CDK6: variants seen among roughly 807,000 people sequenced by gnomAD.
CDK6 encodes cyclin dependent kinase 6, also known as cyclin-dependent kinase 6.
In CDK6, 6 loss-of-function variants were observed where a neutral mutation model predicts 37.1. That is an observed-to-expected ratio of 0.16 (90% CI 0.09 to 0.32). The LOEUF (loss-of-function observed/expected upper bound fraction) is 0.32. Ranked by LOEUF, CDK6 falls within the 10% of genes least tolerant of loss-of-function variation. CDK6 has a pLI of 1.00. For missense variants in CDK6, 224 were observed against 418.9 expected, an observed-to-expected ratio of 0.53 and a Z score of 4.06; for synonymous variants, 160 against 161.3, an observed-to-expected ratio of 0.99 and a Z score of 0.06.
At chr7:92,631,747 C>T (rs1193569943) in intron 5 of CDK6, among the ~76,000 whole-genome samples, 1 of 152,090 alleles carries the variant, frequency 6.6e-6, no homozygotes, top group Non-Finnish European at 1.5e-5. Context: ...GAGATTTCAT[C>T]CAGTCTGGTT....
chr7:92,820,150 G>T (rs1304888388), intron 2 of CDK6, among the ~76,000 whole-genome samples: 1 of 151,984 alleles, frequency 6.6e-6, no homozygotes, highest in Non-Finnish European at 1.5e-5. Context: ...AAGGCAATTA[G>T]AAACTCCAGG....
chr7:92,654,981 T>G (rs1224315762), intron 5 of CDK6, among the ~76,000 whole-genome samples: 1 of 150,542 alleles, frequency 6.6e-6, no homozygotes, highest in African/African-American at 2.4e-5. Context: ...AAGGTGGGAC[T>G]ACAGGCACGT....
chr7:92,799,462 T>C (rs1800510978), intron 2 of CDK6, among the ~76,000 whole-genome samples: 1 of 151,942 alleles, frequency 6.6e-6, no homozygotes, highest in Non-Finnish European at 1.5e-5. Context: ...TTTTTCTCCT[T>C]CAATCCTAAA....
chr7:92,806,610 A>T (rs948918978), intron 2 of CDK6, among the ~76,000 whole-genome samples: 4 of 152,238 alleles, frequency 2.6e-5, no homozygotes, highest in African/African-American at 9.6e-5. Flanking sequence ...AGTTCATGTT[A>T]TAACATGACA....
rs1795463457 is a variant in CDK6, at chr7:92,607,858, T to C, written c.*7282A>G. 4.3e-6 allele frequency: 1 copy of C among 233,322 alleles called. No individual in the cohort carries two copies. Among genetic ancestry groups the C allele is most frequent in the Admixed American group, 5.6e-5 (1 of 17,780 alleles). 14.5% of individuals were successfully genotyped at this position (233,322 alleles called of 1,614,324 possible). A position where few individuals can be genotyped will look rare whatever the true frequency, so the allele number is the denominator to read the frequency against. ...TGAGGAACTATGATATACATGTGTA[T>C]ATTTTTGCAAACACAGGATCAGAAT... is the stretch of plus-strand genomic sequence containing the variant. On this transcript the variant is annotated 3_prime_UTR_variant, in exon 8 of 8. Transcript: ENST00000424848.
chr7:92,714,555 G>T (rs1388389879), intron 4 of CDK6, among the ~76,000 whole-genome samples: 4 of 152,172 alleles, frequency 2.6e-5, no homozygotes, highest in African/African-American at 9.7e-5. Flanking sequence ...AGTGGTCCAT[G>T]TTGTATGGCT....
chr7:92,816,675 A>G (rs1801038073), intron 2 of CDK6, among the ~76,000 whole-genome samples: 1 of 152,108 alleles, frequency 6.6e-6, no homozygotes, highest in Non-Finnish European at 1.5e-5. Context: ...GCTAAAACTA[A>G]GAACAAATTA....
At chr7:92,671,324 T>C in intron 5 of CDK6, 102 bp downstream of exon 5, 1 of 689,864 alleles carries the variant, frequency 1.4e-6, no homozygotes, top group Non-Finnish European at 2.3e-6. Flanking sequence ...GATCTGGCCA[T>C]CATGACCCCT....
rs2116466654 is a variant in CDK6 at position 92,610,275 on chromosome 7, CTTCCTAAGGCT to C, written c.*4854_*4864del. 1.3e-5 allele frequency: 3 copies of C among 232,358 alleles called. No individual in the cohort carries two copies. The East Asian group carries it at 1.8e-4, about 14-fold the overall frequency. The allele number at this position is 232,358 out of a possible 1,614,324, so 14.4% of individuals were successfully genotyped here. A position where few individuals can be genotyped will look rare whatever the true frequency, so the allele number is the denominator to read the frequency against. ...TTTATTTTCAGGTGGCTCTTGTTTT[CTTCCTAAGGCT>C]AGACAAGGTAACAATATGTTGAAGG... On this transcript the variant is annotated 3_prime_UTR_variant, in exon 8 of 8. Coordinates refer to ENST00000424848, the MANE Select transcript of CDK6 (RefSeq NM_001145306.2).
chr7:92,649,588 A>G (rs541794288), intron 5 of CDK6, among the ~76,000 whole-genome samples: 1 of 152,366 alleles, frequency 6.6e-6, no homozygotes, highest in South Asian at 2.1e-4. Context: ...TTGATGTGCT[A>G]CAATGCCATT....
At chr7:92,702,963 A>G (rs1797887511) in intron 4 of CDK6, among the ~76,000 whole-genome samples, 1 of 152,336 alleles carries the variant, frequency 6.6e-6, no homozygotes, top group South Asian at 2.1e-4. Context: ...GTCAGTAGCA[A>G]CATCCCTCTC....
intron 2 of CDK6, among the ~76,000 whole-genome samples, chr7:92,791,836 G>C (rs1240591629): frequency 6.6e-6 from 1 of 152,086 alleles, no homozygotes; most frequent in Non-Finnish European, 1.5e-5. Flanking sequence ...ATTCATATTT[G>C]GGGAATTGCG....
intron 2 of CDK6, among the ~76,000 whole-genome samples, chr7:92,780,852 C>T (rs1799973635): frequency 6.6e-6 from 1 of 151,310 alleles, no homozygotes; most frequent in South Asian, 2.1e-4. Flanking sequence ...ATAGCTACAA[C>T]TGCATGATTC....
intron 3 of CDK6, among the ~76,000 whole-genome samples, chr7:92,759,732 A>C (rs1485078660): frequency 6.7e-6 from 1 of 149,842 alleles, no homozygotes; most frequent in African/African-American, 2.5e-5. Flanking sequence ...AAGAAAGCTT[A>C]AAAAAAAACC....
At chr7:92,670,236 G>A (rs569610124) in intron 5 of CDK6, among the ~76,000 whole-genome samples, 1 of 152,250 alleles carries the variant, frequency 6.6e-6, no homozygotes, top group East Asian at 1.9e-4. Flanking sequence ...CACTATACTT[G>A]GCACATGGTA....
rs566526672 is a variant in CDK6, at chr7:92,821,491, C to T, written c.233+11600G>A. Reference sequence around the variant, plus strand: ...CAAGCAATATTAACCAGAAAAATTGCTTTAATAGAAAAATGTAATTATTTT... The same window carrying T: ...CAAGCAATATTAACCAGAAAAATTGTTTTAATAGAAAAATGTAATTATTTT... On this transcript the variant is annotated intron_variant, in intron 2 of 7. Coordinates refer to ENST00000424848, the MANE Select transcript of CDK6 (RefSeq NM_001145306.2). 5.9e-5 allele frequency among the ~76,000 whole-genome samples: 9 copies of T among 152,104 alleles called. No homozygotes were observed. The East Asian group carries it at 1.7e-3, about 29-fold the overall frequency.
chr7:92,781,642 C>T (rs1236110678), intron 2 of CDK6, among the ~76,000 whole-genome samples: 1 of 152,142 alleles, frequency 6.6e-6, no homozygotes, highest in African/African-American at 2.4e-5. Flanking sequence ...AACTTTGACC[C>T]ATTCACAGGA....
intron 5 of CDK6, among the ~76,000 whole-genome samples, chr7:92,655,479 C>T (rs765593925): frequency 3.7e-4 from 57 of 152,144 alleles, no homozygotes; most frequent in Non-Finnish European, 1.2e-4. Flanking sequence ...CATGCTGATG[C>T]CTAGAGAATT....
At chr7:92,784,355 C>A (rs1800070153) in intron 2 of CDK6, among the ~76,000 whole-genome samples, 1 of 152,128 alleles carries the variant, frequency 6.6e-6, no homozygotes, top group African/African-American at 2.4e-5. Flanking sequence ...AAAGAGAACA[C>A]AGCCAACTCT....
Sources: gnomAD v4.1 joint callset for allele counts (sites outside exome capture counted in the v4.1 genomes callset) on GRCh38, gnomAD v4.1.1 for gene constraint, MANE v1.5 for transcripts, NCBI Gene and HGNC (gene_info 2026-07-23, HGNC 2026-07-21) for gene names.